CAMKMT: variants seen among roughly 807,000 people sequenced by gnomAD.
CAMKMT encodes CaM KMT.
A neutral mutation model predicts 48.0 loss-of-function variants in CAMKMT; 53 were observed. The observed-to-expected ratio is 1.10, with a 90% CI of 0.89 to 1.39. The LOEUF (loss-of-function observed/expected upper bound fraction) is 1.39. CAMKMT is among the 40% of genes most tolerant of loss of function. CAMKMT has a pLI of 0.00. For missense variants in CAMKMT, 428 were observed against 402.7 expected, an observed-to-expected ratio of 1.06 and a Z score of -0.54; for synonymous variants, 165 against 152.3, an observed-to-expected ratio of 1.08 and a Z score of -0.61.
intron 3 of CAMKMT, among the ~76,000 whole-genome samples, chr2:44,514,110 A>G (rs545202018): frequency 1.3e-5 from 2 of 152,104 alleles, no homozygotes; most frequent in Admixed American, 1.3e-4. Context: ...TCAAAAAAAA[A>G]AAAAAAAGAA....
chr2:44,484,369 G>A (rs1669113299), intron 3 of CAMKMT, among the ~76,000 whole-genome samples: 1 of 152,094 alleles, frequency 6.6e-6, no homozygotes, highest in South Asian at 2.1e-4. Flanking sequence ...TGGTATTGGT[G>A]TAAGGATTGA....
At chr2:44,622,364 C>T (rs1672245863) in intron 3 of CAMKMT, among the ~76,000 whole-genome samples, 1 of 152,076 alleles carries the variant, frequency 6.6e-6, no homozygotes, top group South Asian at 2.1e-4. Flanking sequence ...ATTTTAGATT[C>T]TGGGGAGTAT....
chr2:44,593,200 A>G (rs1424535881), intron 3 of CAMKMT, among the ~76,000 whole-genome samples: 9 of 152,312 alleles, frequency 5.9e-5, no homozygotes, highest in Non-Finnish European at 1.0e-4. Flanking sequence ...ACTCAACTCA[A>G]TGTTCAATGC....
intron 3 of CAMKMT, among the ~76,000 whole-genome samples, chr2:44,568,891 G>A (rs998579467): frequency 6.6e-6 from 1 of 152,162 alleles, no homozygotes; most frequent in East Asian, 1.9e-4. Context: ...AGATGGCAGT[G>A]GAAGAGAAGT....
At chr2:44,374,847 G>C (rs1209502783) in intron 2 of CAMKMT, among the ~76,000 whole-genome samples, 1 of 151,960 alleles carries the variant, frequency 6.6e-6, no homozygotes, top group East Asian at 1.9e-4. Context: ...TTTCAAACTA[G>C]TTAGTATCTG....
intron 3 of CAMKMT, among the ~76,000 whole-genome samples, chr2:44,438,238 A>G (rs1268005289): frequency 2.6e-5 from 4 of 152,196 alleles, no homozygotes; most frequent in Non-Finnish European, 5.9e-5. Context: ...CTCTTTCTCA[A>G]CTATAATACT....
chr2:44,723,638 AAATAAATAAATAAATAAAAT>A (rs1678612145), intron 7 of CAMKMT: 1 of 148,922 alleles, frequency 6.7e-6, no homozygotes, highest in African/African-American at 2.5e-5. Context: ...ATAAATAAAT[AAATAAATAAATAAATAAAAT>A]AATAAAGTTG....
At chr2:44,574,864 C>G (rs892125968) in intron 3 of CAMKMT, among the ~76,000 whole-genome samples, 3 of 151,772 alleles carry the variant, frequency 2.0e-5, no homozygotes, top group African/African-American at 7.3e-5. Context: ...CCTCAGCCTT[C>G]CAAGTAGCTG....
At position 44,566,493 on chromosome 2, in the gene CAMKMT, G is replaced by C. The variant is rs577927709; in HGVS notation, c.377-137790G>C. Among the ~76,000 whole-genome samples, 9 of 152,262 alleles carry C rather than the reference G, an allele frequency of 5.9e-5. 1 individual carries two copies. The South Asian group carries it at 1.9e-3, about 32-fold the overall frequency. ...GGAATTTCTTTTCAGTCAGGCTGCT[G>C]GGTCGTATGTGAACTATTGTTTGAC... On this transcript the variant is annotated intron_variant, in intron 3 of 10. Transcript: ENST00000378494.
At chr2:44,479,678 G>C (rs551889349) in intron 3 of CAMKMT, among the ~76,000 whole-genome samples, 1 of 152,148 alleles carries the variant, frequency 6.6e-6, no homozygotes, top group East Asian at 1.9e-4. Flanking sequence ...TCGATTTGTG[G>C]GTCTAAGAAT....
intron 3 of CAMKMT, among the ~76,000 whole-genome samples, chr2:44,545,894 A>T (rs764223926): frequency 6.6e-6 from 1 of 152,138 alleles, no homozygotes. Flanking sequence ...CAACTCATTT[A>T]AAACAAGTCT....
chr2:44,508,296 G>A (rs1240739097), intron 3 of CAMKMT, among the ~76,000 whole-genome samples: 3 of 152,276 alleles, frequency 2.0e-5, no homozygotes, highest in Admixed American at 2.0e-4. Context: ...CCACATTGGT[G>A]GGAAATAGCA....
intron 1 of CAMKMT, chr2:44,369,945 CTT>C (rs1338917424): frequency 5.3e-5 from 8 of 152,300 alleles, no homozygotes; most frequent in Non-Finnish European, 1.0e-4. Flanking sequence ...ACATCTGAAA[CTT>C]TGGCTGCTAC....
intron 2 of CAMKMT, among the ~76,000 whole-genome samples, chr2:44,378,471 AGTTTGTTT>A (rs71393268): frequency 0.55 from 83,327 of 150,652 alleles, 24,415 homozygotes; most frequent in Non-Finnish European, 0.66. Flanking sequence ...TCTAGAATTA[AGTTTGTTT>A]GTTTGTTTGT....
At chr2:44,662,285 T>C (rs1169662653) in intron 3 of CAMKMT, among the ~76,000 whole-genome samples, 1 of 152,224 alleles carries the variant, frequency 6.6e-6, no homozygotes, top group Admixed American at 6.5e-5. Context: ...AAAAGTATGA[T>C]GCCTAGAATG....
At chr2:44,368,169 T>C (rs1678808079) in intron 1 of CAMKMT, among the ~76,000 whole-genome samples, 1 of 152,212 alleles carries the variant, frequency 6.6e-6, no homozygotes, top group Non-Finnish European at 1.5e-5. Context: ...TTGACTTACT[T>C]AGGAGAATGA....
chr2:44,384,985 A>G (rs1420028519), intron 2 of CAMKMT, among the ~76,000 whole-genome samples: 3 of 152,134 alleles, frequency 2.0e-5, no homozygotes, highest in Non-Finnish European at 4.4e-5. Context: ...TTCCATATAA[A>G]TTTTAGAATT....
At position 44,594,063 on chromosome 2, in the gene CAMKMT, A is replaced by G. The variant is rs533980495; in HGVS notation, c.377-110220A>G. On this transcript the variant is annotated intron_variant, in intron 3 of 10. Coordinates refer to ENST00000378494, the MANE Select transcript of CAMKMT (RefSeq NM_024766.5). ...CAGGCGTGAGCCACCATGCCTGGCA[A>G]TTGCTACAAAGAGAATAAAATACCT... Among the ~76,000 whole-genome samples, 7 of 152,184 alleles carry G rather than the reference A, an allele frequency of 4.6e-5. No individual in the cohort carries two copies. The East Asian group carries it at 7.7e-4, about 17-fold the overall frequency.
intron 3 of CAMKMT, among the ~76,000 whole-genome samples, chr2:44,683,617 A>G (rs575828500): frequency 3.3e-5 from 5 of 152,158 alleles, no homozygotes; most frequent in African/African-American, 9.6e-5. Context: ...TCAGGAGATC[A>G]AGACCATCCT....
Sources: gnomAD v4.1 joint callset for allele counts (sites outside exome capture counted in the v4.1 genomes callset) on GRCh38, gnomAD v4.1.1 for gene constraint, MANE v1.5 for transcripts, NCBI Gene and HGNC (gene_info 2026-07-23, HGNC 2026-07-21) for gene names.